Variants in C12orf54 observed in about 807,000 individuals in gnomAD.
C12orf54 encodes the protein uncharacterized protein C12orf54.
A neutral mutation model predicts 26.4 loss-of-function variants in C12orf54; 24 were observed. The ratio of observed to expected loss-of-function variants is 0.91; its 90% CI spans 0.66 to 1.28. The LOEUF is 1.28. Ranked by LOEUF, C12orf54 falls within the 50% of genes most tolerant of loss-of-function variation. The pLI is 0.00. For synonymous variants in C12orf54, 54 were observed against 47.0 expected (o/e 1.15, Z -0.61); for missense variants, 154 against 150.9 (o/e 1.02, Z -0.11).
the C12orf54 span, among the ~76,000 whole-genome samples, chr12:48,421,512 CTTTTTT>C: frequency 6.9e-5 from 3 of 43,476 alleles, no homozygotes; most frequent in East Asian, 1.7e-3. Context: ...ATATCATGTG[CTTTTTT>C]TTTTTTTTTT....
intron 5 of C12orf54, among the ~76,000 whole-genome samples, chr12:48,489,633 T>C (rs1180418089): frequency 6.6e-6 from 1 of 152,158 alleles, no homozygotes; most frequent in Admixed American, 6.5e-5. Context: ...CCCACGTTGG[T>C]CTCAAATTCC....
At chr12:48,420,219 G>A in the C12orf54 span, among the ~76,000 whole-genome samples, 1 of 152,158 alleles carries the variant, frequency 6.6e-6, no homozygotes, top group Non-Finnish European at 1.5e-5. Context: ...GAGCCTGCAA[G>A]CCCAGGAGGC....
At chr12:48,440,894 A>C in the C12orf54 span, among the ~76,000 whole-genome samples, 1 of 152,236 alleles carries the variant, frequency 6.6e-6, no homozygotes, top group Non-Finnish European at 1.5e-5. Flanking sequence ...TAAGATAACA[A>C]TAATAAATCA....
the C12orf54 span, among the ~76,000 whole-genome samples, chr12:48,448,044 C>A: frequency 1.3e-5 from 2 of 151,298 alleles, no homozygotes; most frequent in African/African-American, 4.8e-5. Flanking sequence ...AGACCTCAGT[C>A]CCGCAACTGA....
the C12orf54 span, chr12:48,472,892 C>T: frequency 6.2e-7 from 1 of 1,614,098 alleles, no homozygotes; most frequent in Admixed American, 1.7e-5. Context: ...GTAACAGAGC[C>T]TCAGTGGGCC....
At chr12:48,422,930 A>T in the C12orf54 span, among the ~76,000 whole-genome samples, 2 of 152,182 alleles carry the variant, frequency 1.3e-5, no homozygotes, top group Non-Finnish European at 2.9e-5. Flanking sequence ...AGGTATTAGA[A>T]CAGCTAATAC....
At chr12:48,457,855 G>A in the C12orf54 span, among the ~76,000 whole-genome samples, 8 of 152,122 alleles carry the variant, frequency 5.3e-5, no homozygotes, top group East Asian at 3.9e-4. Context: ...CCCAGAGGAC[G>A]GGATGACTGG....
the C12orf54 span, among the ~76,000 whole-genome samples, chr12:48,454,472 T>G: frequency 6.6e-6 from 1 of 152,144 alleles, no homozygotes; most frequent in South Asian, 2.1e-4. Flanking sequence ...AGAAAAAAGA[T>G]GAAGACTATC....
the C12orf54 span, among the ~76,000 whole-genome samples, chr12:48,446,580 C>T: frequency 6.6e-6 from 1 of 152,168 alleles, no homozygotes; most frequent in East Asian, 1.9e-4. Context: ...GATTAGAAAG[C>T]TCAGCATGAA....
At chr12:48,464,249 A>C in the C12orf54 span, among the ~76,000 whole-genome samples, 1 of 152,152 alleles carries the variant, frequency 6.6e-6, no homozygotes, top group Non-Finnish European at 1.5e-5. Flanking sequence ...ATCAATGTGC[A>C]AAAATCAGTA....
upstream of C12orf54, among the ~76,000 whole-genome samples, chr12:48,481,590 A>C (rs377585217): frequency 6.6e-6 from 1 of 152,236 alleles, no homozygotes; most frequent in East Asian, 1.9e-4. Flanking sequence ...AGACAGGTGG[A>C]GCGCCGAGCC....
chr12:48,495,270 T>C (rs1422783474), intron 8 of C12orf54, among the ~76,000 whole-genome samples: 1 of 152,046 alleles, frequency 6.6e-6, no homozygotes, highest in Non-Finnish European at 1.5e-5. Context: ...GTGGATAGTG[T>C]TCAGGAATCA....
rs142586536 is a variant in C12orf54, at chr12:48,495,740, ACT to A, written c.*41-438_*41-437del. 3.2e-3 allele frequency: 486 copies of A among 152,352 alleles called. 4 individuals are homozygous for A. The highest frequency in any genetic ancestry group is 0.011 in the African/African-American group (462 of 41,470). The allele number at this position is 152,352 out of a possible 1,614,324, so 9.4% of individuals were successfully genotyped here. A position where few individuals can be genotyped will look rare whatever the true frequency, so the allele number is the denominator to read the frequency against. On this transcript the variant is annotated intron_variant, in intron 8 of 8. Coordinates refer to ENST00000548364, the MANE Select transcript of C12orf54 (RefSeq NM_152319.4). ...CATCCACCTGTGTCTAAGTACAGTG[ACT>A]CTATGTATTTTCTTGAATAGTCCCC...
the C12orf54 span, among the ~76,000 whole-genome samples, chr12:48,436,711 A>G: frequency 2.0e-5 from 3 of 152,232 alleles, no homozygotes; most frequent in Non-Finnish European, 4.4e-5. Flanking sequence ...AACCAACTAG[A>G]AAAAAGACAC....
At chr12:48,481,525 C>T (rs1176093150), upstream of C12orf54, among the ~76,000 whole-genome samples, 1 of 152,090 alleles carries the variant, frequency 6.6e-6, no homozygotes, top group East Asian at 1.9e-4. Context: ...GCACCTGGAG[C>T]TCTAAAATCA....
the C12orf54 span, among the ~76,000 whole-genome samples, chr12:48,447,458 T>C: frequency 1.1e-3 from 164 of 152,324 alleles, 5 homozygotes; most frequent in South Asian, 0.034. Flanking sequence ...TAAATGCCTC[T>C]ACCTGTGCTT....
At chr12:48,435,492 T>A in the C12orf54 span, among the ~76,000 whole-genome samples, 1 of 151,926 alleles carries the variant, frequency 6.6e-6, no homozygotes, top group Non-Finnish European at 1.5e-5. Flanking sequence ...AAGGAAAAAA[T>A]GTTAAGAGCA....
the C12orf54 span, among the ~76,000 whole-genome samples, chr12:48,425,727 C>A: frequency 6.6e-6 from 1 of 152,044 alleles, no homozygotes; most frequent in Non-Finnish European, 1.5e-5. Flanking sequence ...TCTCTGCAAC[C>A]TCGCCAGCAT....
chr12:48,473,392 A>C, the C12orf54 span: 2 of 890,926 alleles, frequency 2.2e-6, no homozygotes, highest in East Asian at 2.9e-5. Context: ...GAAACTGAAG[A>C]TGAGGGAGAA....
Sources: allele counts gnomAD v4.1 joint callset (sites outside exome capture counted in the v4.1 genomes callset), GRCh38; gene constraint gnomAD v4.1.1; transcripts MANE v1.5; gene names NCBI Gene and HGNC (gene_info 2026-07-23, HGNC 2026-07-21).